TMEM259: variants seen among roughly 807,000 people sequenced by gnomAD.
The protein encoded by TMEM259 is transmembrane protein 259, also known as membralin.
Under a neutral mutation model 46.7 loss-of-function variants are expected in TMEM259, and 26 were observed. The observed-to-expected ratio is 0.56, with a 90% confidence interval of 0.41 to 0.77. The LOEUF (loss-of-function observed/expected upper bound fraction) is 0.77, where lower values mean the gene tolerates loss of function less well. Among genes scored for constraint, TMEM259 ranks in the 30% least tolerant of loss-of-function variants. The pLI, the probability that TMEM259 is intolerant of heterozygous loss-of-function variation, is 0.00. For missense variants in TMEM259, 930 were observed against 900.5 expected (o/e 1.03, Z -0.42); for synonymous variants, 494 against 395.1 (o/e 1.25, Z -2.97).
In TMEM259 at chr19:1,012,237, CT is replaced by C. The variant is rs774422753; in HGVS notation, c.719-50del. On this transcript the variant is annotated intron_variant, in intron 4 of 10. Transcript: ENST00000356663. ...CCGGGAGCCCCGCCCAGGCCACCCC[CT>C]GGGCCCTGCCCCAGCTGGCTCCATT... is the stretch of plus-strand genomic sequence containing the variant. 5.8e-6 allele frequency: 9 copies of C among 1,560,332 alleles called. No individual in the cohort carries two copies. In the East Asian group the frequency reaches 2.2e-4, roughly 37 times the overall value.
chr19:1,014,117 C>T, intron 2 of TMEM259, 75 bp downstream of exon 2: 1 of 1,523,190 alleles, frequency 6.6e-7, no homozygotes, highest in Non-Finnish European at 8.9e-7. Context: ...CTGTCGATGT[C>T]AGGAACCGCC....
At position 1,014,202 on chromosome 19, in the gene TMEM259, CT is replaced by C; in HGVS notation, c.496del (p.Ser166AlafsTer23). On this transcript the variant is annotated frameshift_variant, in exon 2 of 11. Coordinates refer to ENST00000356663, the MANE Select transcript of TMEM259 (RefSeq NM_001033026.2). LOFTEE classifies it high-confidence loss of function. ...EELTMEMFGN[S>X]SIKFELDIEP... is the part of the protein sequence containing the mutation. ...CCAGGCCTGGCTCACCTTGATGGAG[CT>C]GTTCCCAAACATCTCCATGGTCAGC... 1 of 1,605,636 alleles carries C rather than the reference CT, an allele frequency of 6.2e-7. No individual in the cohort carries two copies. Among genetic ancestry groups the C allele is most frequent in the South Asian group, 1.1e-5 (1 of 90,928 alleles).
chr19:1,012,307 A>C (rs776357284), intron 4 of TMEM259, 119 bp from the exon 5 acceptor site: 1 of 1,502,692 alleles, frequency 6.7e-7, no homozygotes, highest in South Asian at 1.3e-5. Flanking sequence ...TTCTTAGGAA[A>C]CCCATCCAGG....
At chr19:1,018,262 C>T (rs527580598) in intron 1 of TMEM259, among the ~76,000 whole-genome samples, 3 of 152,226 alleles carry the variant, frequency 2.0e-5, no homozygotes, top group Non-Finnish European at 4.4e-5. Context: ...CCCTGGAACA[C>T]AGGCCCCTGC....
At chr19:1,016,632 T>C (rs1276356348) in intron 1 of TMEM259, among the ~76,000 whole-genome samples, 2 of 152,200 alleles carry the variant, frequency 1.3e-5, no homozygotes, top group Non-Finnish European at 2.9e-5. Context: ...CCCTGGTTTA[T>C]ATACGAGGAA....
intron 1 of TMEM259, among the ~76,000 whole-genome samples, chr19:1,017,863 C>A (rs986407498): frequency 6.6e-6 from 1 of 152,196 alleles, no homozygotes; most frequent in Non-Finnish European, 1.5e-5. Context: ...CTGGGGCTCC[C>A]CTTTGTCCAC....
At chr19:1,017,142 C>T in intron 1 of TMEM259, 1 of 398,244 alleles carries the variant, frequency 2.5e-6, no homozygotes, top group East Asian at 3.6e-5. Flanking sequence ...CAGGCTCATC[C>T]CGAGTCCCGG....
At position 1,009,654 on chromosome 19, in the gene TMEM259, G is replaced by C; in HGVS notation, c.*696C>G. 1 of 1,297,954 alleles carries C rather than the reference G, an allele frequency of 7.7e-7. No individual in the cohort carries two copies. The allele number at this position is 1,297,954 out of a possible 1,614,324, so 80.4% of individuals were successfully genotyped here. On this transcript the variant is annotated 3_prime_UTR_variant, in exon 11 of 11. Coordinates refer to ENST00000356663, the MANE Select transcript of TMEM259 (RefSeq NM_001033026.2). ...AGACACACACACAGCGCAGTGAGCC[G>C]CTGTCAACAGACAGTTTATTCTATA...
chr19:1,010,188 G>A lies in TMEM259; in HGVS notation c.*162C>T. On this transcript the variant is annotated 3_prime_UTR_variant, in exon 11 of 11. Coordinates refer to ENST00000356663, the MANE Select transcript of TMEM259 (RefSeq NM_001033026.2). ...GCCTCGGGCGCGACCTCACACCAGG[G>A]GGAGGAAAGCCGCCTTCCGGGCAAA... 3.1e-6 allele frequency: 2 copies of A among 647,188 alleles called. No homozygotes were observed. Among genetic ancestry groups the A allele is most frequent in the Non-Finnish European group, 4.9e-6 (2 of 408,376 alleles). 40.1% of individuals were successfully genotyped at this position (647,188 alleles called of 1,614,324 possible).
intron 1 of TMEM259, among the ~76,000 whole-genome samples, chr19:1,016,039 T>C (rs1030203956): frequency 4.3e-5 from 6 of 140,184 alleles, no homozygotes; most frequent in African/African-American, 7.9e-5. Flanking sequence ...GGAGAATCCC[T>C]TGGGCTGATC....
intron 1 of TMEM259, among the ~76,000 whole-genome samples, chr19:1,015,580 G>A (rs36069601): frequency 0.019 from 2,865 of 152,288 alleles, 56 homozygotes; most frequent in East Asian, 0.1. Flanking sequence ...TGAGGGTCAC[G>A]TCTACCTGCT....
intron 10 of TMEM259, 56 bp from the exon 11 acceptor site, chr19:1,010,951 T>G: frequency 6.4e-7 from 1 of 1,562,662 alleles, no homozygotes; most frequent in Non-Finnish European, 8.6e-7. Context: ...ACCCAGCCGC[T>G]GCTCCCAGAG....
In TMEM259 at chr19:1,010,323, G is replaced by T; in HGVS notation, c.*27C>A. ...CGGGAAGGTCAGGCCCAGCCAGCAG[G>T]GGTCAGAGGCGGCTCAGCTGTGCGG... On this transcript the variant is annotated 3_prime_UTR_variant, in exon 11 of 11. Coordinates refer to ENST00000356663, the MANE Select transcript of TMEM259 (RefSeq NM_001033026.2). The T allele has an allele frequency of 1.4e-6, 2 of 1,444,086 alleles. No homozygotes were observed. Among genetic ancestry groups the T allele is most frequent in the Non-Finnish European group, 1.8e-6 (2 of 1,107,426 alleles). 89.5% of individuals were successfully genotyped at this position (1,444,086 alleles called of 1,614,324 possible).
chr19:1,011,083 G>T lies in TMEM259; in HGVS notation c.1317+13C>A, dbSNP rs374335527. On this transcript the variant is annotated intron_variant, in intron 10 of 10. Coordinates refer to ENST00000356663, the MANE Select transcript of TMEM259 (RefSeq NM_001033026.2). ...ACGGCTGGCCTGCCCCCTGCTTGCC[G>T]CCCAGGCCTCACCTGGATGAAGAGC... 1 of 1,573,420 alleles carries T rather than the reference G, an allele frequency of 6.4e-7. No individual in the cohort carries two copies. Among genetic ancestry groups the T allele is most frequent in the Non-Finnish European group, 8.6e-7 (1 of 1,160,454 alleles).
In TMEM259 at chr19:1,020,351, G is replaced by A. The variant is rs988331884; in HGVS notation, c.225+421C>T. ...GGGGAGAGAGGCCTCGGAACTGAGG[G>A]TCTCAGGCGGCACAGTCAGGGGTCA... On this transcript the variant is annotated intron_variant, in intron 1 of 10. Transcript: ENST00000356663. This position sits in a 1 kb window ranked among gnomAD's most constrained non-coding sequence, Gnocchi z 4.0. Among the ~76,000 whole-genome samples the A allele has an allele frequency of 1.3e-5, 2 of 152,002 alleles. No individual in the cohort carries two copies. The highest frequency in any genetic ancestry group is 4.8e-5 in the African/African-American group (2 of 41,390).
At chr19:1,017,541 CTTCCTTCCTCCGGG>C (rs886598842) in intron 1 of TMEM259, 2 of 397,752 alleles carry the variant, frequency 5.0e-6, no homozygotes, top group African/African-American at 4.1e-5. Context: ...CCCTATGACC[CTTCCTTCCTCCGGG>C]TCAGCCCACA....
In TMEM259 at chr19:1,010,331, G is replaced by C; in HGVS notation, c.*19C>G. 4 of 1,457,854 alleles carry C rather than the reference G, an allele frequency of 2.7e-6. No homozygotes were observed. Among genetic ancestry groups the C allele is most frequent in the Non-Finnish European group, 2.7e-6 (3 of 1,114,450 alleles). The allele number at this position is 1,457,854 out of a possible 1,614,324, so 90.3% of individuals were successfully genotyped here. A position where few individuals can be genotyped will look rare whatever the true frequency, so the allele number is the denominator to read the frequency against. The stretch of plus-strand genomic sequence containing the variant: ...TCAGGCCCAGCCAGCAGGGGTCAGA[G>C]GCGGCTCAGCTGTGCGGCTCAGGAC... On this transcript the variant is annotated 3_prime_UTR_variant, in exon 11 of 11. Coordinates refer to ENST00000356663, the MANE Select transcript of TMEM259 (RefSeq NM_001033026.2).
chr19:1,011,531 G>A, intron 8 of TMEM259, 32 bp from the exon 9 acceptor site: 2 of 1,543,684 alleles, frequency 1.3e-6, no homozygotes, highest in Non-Finnish European at 1.7e-6. Flanking sequence ...GTTGAAGCGG[G>A]CGGGGCGGGG....
chr19:1,012,441 A>C (rs11672715), intron 4 of TMEM259, 22 bp downstream of exon 4: 289,481 of 1,570,298 alleles, frequency 0.18, 27,426 homozygotes, highest in South Asian at 0.24. Context: ...GGAGCTCCCC[A>C]AGCCCAGCAG....
Sources: gnomAD v4.1 joint callset for allele counts (sites outside exome capture counted in the v4.1 genomes callset) on GRCh38, gnomAD v4.1.1 for gene constraint, Gnocchi (gnomAD v3.1) non-coding constraint, MANE v1.5 for transcripts, NCBI Gene and HGNC (gene_info 2026-07-23, HGNC 2026-07-21) for gene names.